Variants in APOBEC2 observed in about 807,000 individuals in gnomAD.
The protein encoded by APOBEC2 is C->U-editing enzyme APOBEC-2.
A neutral mutation model predicts 19.4 loss-of-function variants in APOBEC2; 14 were observed. The observed-to-expected ratio is 0.72, with a 90% CI of 0.48 to 1.13. The LOEUF is 1.13. APOBEC2 is among the 50% of genes most tolerant of loss of function. APOBEC2 has a pLI of 0.00. For missense variants in APOBEC2, 304 were observed against 277.0 expected (o/e 1.10, Z -0.69); for synonymous variants, 127 against 112.1 (o/e 1.13, Z -0.84).
Position 41,064,580 on chromosome 6 carries a change from C to G in APOBEC2, c.*501C>G, listed in dbSNP as rs1762935107. The G allele has an allele frequency of 6.6e-6, 1 of 152,126 alleles. No individual in the cohort carries two copies. The highest frequency in any genetic ancestry group is 2.1e-4 in the South Asian group (1 of 4,828). The allele number at this position is 152,126 out of a possible 1,614,324, so 9.4% of individuals were successfully genotyped here. On this transcript the variant is annotated 3_prime_UTR_variant, in exon 3 of 3. Transcript: ENST00000244669. ...GTTGCCACAGACAAGCGAGCTAGTC[C>G]AGACACAGGGACACTCCAGGCTATG...
chr6:41,060,055 C>T (rs929277511), intron 1 of APOBEC2, among the ~76,000 whole-genome samples: 7 of 152,162 alleles, frequency 4.6e-5, no homozygotes, highest in African/African-American at 1.7e-4. Flanking sequence ...CAAATCTTGC[C>T]TATTTTAGAA....
chr6:41,061,956 G>A (rs1762883551), intron 2 of APOBEC2, 64 bp downstream of exon 2: 2 of 1,420,366 alleles, frequency 1.4e-6, no homozygotes, highest in Non-Finnish European at 1.9e-6. Flanking sequence ...AAGGTGTGAG[G>A]TCAGGTAGAA....
At position 41,061,445 on chromosome 6, in the gene APOBEC2, G is replaced by T; in HGVS notation, c.249G>T (p.Val83=). ...AAGCACAGGGCAAGGGGGGCCAAGT[G>T]CAGGCATCTCGGGGATACCTAGAGG... is the stretch of plus-strand genomic sequence containing the variant. The part of the protein sequence containing the change: ...VVEAQGKGGQ[V]QASRGYLEDE... Residue 83 remains valine (V), a synonymous_variant, in exon 2 of 3, where the codon GTG becomes GTT. Coordinates refer to ENST00000244669, the MANE Select transcript of APOBEC2 (RefSeq NM_006789.4). 6.2e-7 allele frequency: 1 copy of T among 1,613,448 alleles called. No individual in the cohort carries two copies. The highest frequency in any genetic ancestry group is 2.2e-5 in the East Asian group (1 of 44,870).
In APOBEC2 at chr6:41,064,630, C is replaced by T. The variant is rs1762936051; in HGVS notation, c.*551C>T. The stretch of plus-strand genomic sequence containing the variant: ...GAACCAAGCCATGGTTAAACCAAGA[C>T]TTGCCTAGACAATGCAGAATAACTC... On this transcript the variant is annotated 3_prime_UTR_variant, in exon 3 of 3. Transcript: ENST00000244669. 6.6e-6 allele frequency: 1 copy of T among 152,178 alleles called. No individual in the cohort carries two copies. Among genetic ancestry groups the T allele is most frequent in the Non-Finnish European group, 1.5e-5 (1 of 68,030 alleles). The allele number at this position is 152,178 out of a possible 1,614,324, so 9.4% of individuals were successfully genotyped here.
intron 1 of APOBEC2, 108 bp downstream of exon 1, chr6:41,053,586 C>A: frequency 5.3e-6 from 8 of 1,504,912 alleles, no homozygotes; most frequent in Non-Finnish European, 7.2e-6. Context: ...CAGCTACAAC[C>A]CTGCAGCAGT....
At chr6:41,056,700 G>A (rs182012285) in intron 1 of APOBEC2, among the ~76,000 whole-genome samples, 131 of 152,274 alleles carry the variant, frequency 8.6e-4, no homozygotes, top group East Asian at 9.7e-4. Context: ...CTTTTTCACT[G>A]CTTTATCTTT....
In APOBEC2 at chr6:41,061,549, A is replaced by G. The variant is rs766565593; in HGVS notation, c.353A>G (p.Asn118Ser). ...GCCTTCGACCCAGCCCTGCGGTACA[A>G]TGTCACCTGGTATGTGTCCTCCAGC... Reference protein sequence around the residue: ...LPAFDPALRYNVTWYVSSSPC... With the variant: ...LPAFDPALRYSVTWYVSSSPC... Residue 118 changes from asparagine to serine, a missense_variant, in exon 2 of 3, where the codon AAT (asparagine) becomes AGT (serine). Coordinates refer to ENST00000244669, the MANE Select transcript of APOBEC2 (RefSeq NM_006789.4). 1.4e-5 allele frequency: 23 copies of G among 1,614,072 alleles called. No individual in the cohort carries two copies. Among genetic ancestry groups the G allele is most frequent in the African/African-American group, 4.0e-5 (3 of 74,926 alleles).
At chr6:41,058,411 ACACACACACACACACT>A (rs1162324300) in intron 1 of APOBEC2, among the ~76,000 whole-genome samples, 6 of 151,026 alleles carry the variant, frequency 4.0e-5, no homozygotes, top group African/African-American at 1.5e-4. Flanking sequence ...ACACACACAC[ACACACACACACACACT>A]CACACACACA....
chr6:41,064,618 G>A lies in APOBEC2; in HGVS notation c.*539G>A, dbSNP rs1340067350. ...ACTCCAGGCTATGAACCAAGCCATG[G>A]TTAAACCAAGACTTGCCTAGACAAT... On this transcript the variant is annotated 3_prime_UTR_variant, in exon 3 of 3. Transcript: ENST00000244669. 1 of 152,182 alleles carries A rather than the reference G, an allele frequency of 6.6e-6. No homozygotes were observed. Among genetic ancestry groups the A allele is most frequent in the Non-Finnish European group, 1.5e-5 (1 of 68,038 alleles). The allele number at this position is 152,182 out of a possible 1,614,324, so 9.4% of individuals were successfully genotyped here.
chr6:41,054,261 C>T (rs1284504039), intron 1 of APOBEC2, among the ~76,000 whole-genome samples: 2 of 152,172 alleles, frequency 1.3e-5, no homozygotes, highest in African/African-American at 4.8e-5. Context: ...CTTCCTCTTC[C>T]CTTTCTATTC....
intron 1 of APOBEC2, among the ~76,000 whole-genome samples, chr6:41,057,789 G>C (rs758222220): frequency 4.5e-4 from 69 of 152,214 alleles, no homozygotes; most frequent in South Asian, 4.1e-4. Context: ...ATAGATTTAC[G>C]CTTAGAAAAT....
At chr6:41,061,913 G>C in intron 2 of APOBEC2, 21 bp downstream of exon 2, 1 of 1,579,194 alleles carries the variant, frequency 6.3e-7, no homozygotes, top group Non-Finnish European at 8.6e-7. Context: ...CTGGTGCCAT[G>C]GCACCAACAC....
intron 1 of APOBEC2, among the ~76,000 whole-genome samples, chr6:41,055,663 G>C (rs1762786353): frequency 6.6e-6 from 1 of 152,222 alleles, no homozygotes; most frequent in South Asian, 2.1e-4. Context: ...ACATGAGGAG[G>C]GTAGCTGGTA....
Position 41,053,295 on chromosome 6 carries a change from G to T in APOBEC2, c.-53G>T. On this transcript the variant is annotated 5_prime_UTR_variant, in exon 1 of 3. Coordinates refer to ENST00000244669, the MANE Select transcript of APOBEC2 (RefSeq NM_006789.4). Reference sequence around the variant, plus strand: ...GACTCTGCCGCCAGGGCCTGGCCCAGACCTGCCTGCCTCTCTCCTCTCCCT... The same window carrying T: ...GACTCTGCCGCCAGGGCCTGGCCCATACCTGCCTGCCTCTCTCCTCTCCCT... The T allele has an allele frequency of 6.3e-7, 1 of 1,593,212 alleles. No individual in the cohort carries two copies. The highest frequency in any genetic ancestry group is 1.1e-5 in the South Asian group (1 of 89,434).
chr6:41,062,017 G>C, intron 2 of APOBEC2, 125 bp downstream of exon 2: 1 of 911,740 alleles, frequency 1.1e-6, no homozygotes, highest in Non-Finnish European at 1.6e-6. Flanking sequence ...CTCTGCTTTT[G>C]ACTGGTTGCA....
At chr6:41,060,263 A>C (rs1762854811) in intron 1 of APOBEC2, among the ~76,000 whole-genome samples, 1 of 152,168 alleles carries the variant, frequency 6.6e-6, no homozygotes, top group Non-Finnish European at 1.5e-5. Context: ...GTCCTAAGAT[A>C]CCTACTGGAC....
At chr6:41,058,156 C>CAA (rs1762820466) in intron 1 of APOBEC2, among the ~76,000 whole-genome samples, 1 of 107,208 alleles carries the variant, frequency 9.3e-6, no homozygotes, top group Non-Finnish European at 1.7e-5. Flanking sequence ...CCACCCCACA[C>CAA]ACACACACAC....
At chr6:41,054,071 T>A (rs1250909480) in intron 1 of APOBEC2, among the ~76,000 whole-genome samples, 2 of 152,116 alleles carry the variant, frequency 1.3e-5, no homozygotes, top group Non-Finnish European at 2.9e-5. Flanking sequence ...AGAAATTACA[T>A]GCAGATAACG....
At position 41,053,230 on chromosome 6, in the gene APOBEC2, C is replaced by A; in HGVS notation, c.-118C>A. ...AGCCTGGCCTGCTGGGTCCTTTTCC[C>A]GTCATCCCCAGCCAGATTTAGCTGC... is the stretch of plus-strand genomic sequence containing the variant. On this transcript the variant is annotated 5_prime_UTR_variant, in exon 1 of 3. Transcript: ENST00000244669. The A allele has an allele frequency of 2.1e-6, 3 of 1,397,098 alleles. No homozygotes were observed. The highest frequency in any genetic ancestry group is 1.9e-6 in the Non-Finnish European group (2 of 1,042,344). 86.5% of individuals were successfully genotyped at this position (1,397,098 alleles called of 1,614,324 possible).
Sources: allele counts gnomAD v4.1 joint callset (sites outside exome capture counted in the v4.1 genomes callset), GRCh38; gene constraint gnomAD v4.1.1; transcripts MANE v1.5; gene names NCBI Gene and HGNC (gene_info 2026-07-23, HGNC 2026-07-21).